The following DPH6 variants were observed in gnomAD, a reference collection of about 807,000 sequenced individuals.
DPH6 encodes diphthine--ammonia ligase.
Under a neutral mutation model 38.2 loss-of-function variants are expected in DPH6, and 33 were observed. That is an observed-to-expected ratio of 0.86 (90% CI 0.65 to 1.15). The LOEUF is 1.15. Ranked by LOEUF, DPH6 falls within the 50% of genes most tolerant of loss-of-function variation. The pLI, the probability that DPH6 is intolerant of heterozygous loss-of-function variation, is 0.00. For synonymous variants in DPH6, 108 were observed against 103.0 expected, an observed-to-expected ratio of 1.05 and a Z score of -0.30; for missense variants, 325 against 320.0, an observed-to-expected ratio of 1.02 and a Z score of -0.12.
intron 3 of DPH6, chr15:35,519,703 A>C (rs1394510288): frequency 6.6e-6 from 1 of 152,406 alleles, no homozygotes; most frequent in African/African-American, 2.4e-5. Flanking sequence ...ACATCTGTCT[A>C]ATGTTCACTA....
rs72703143 is a variant in DPH6, at chr15:35,359,576, C to T, written n.207+13945G>A. 1.7e-3 allele frequency among the ~76,000 whole-genome samples: 264 copies of T among 152,300 alleles called. 1 individual carries two copies. Among genetic ancestry groups the T allele is most frequent in the East Asian group, 5.0e-3 (26 of 5,164 alleles). On this transcript the variant is annotated intron_variant and non_coding_transcript_variant, in intron 3 of 3. Transcript: ENST00000558973. ...CTGCTTCCTCCACCCCTGTATTTTG[C>T]TTGGCTCTCCAAATTGACTCAGCTC...
At chr15:35,451,096 CT>C (rs1171631312) in intron 4 of DPH6, among the ~76,000 whole-genome samples, 2 of 151,922 alleles carry the variant, frequency 1.3e-5, no homozygotes, top group African/African-American at 4.8e-5. Context: ...TGCCAGTATA[CT>C]CTCATTTTTA....
At chr15:35,166,116 G>GA in the DPH6 span, among the ~76,000 whole-genome samples, 1 of 151,908 alleles carries the variant, frequency 6.6e-6, no homozygotes, top group African/African-American at 2.4e-5. Context: ...AGAAACGACA[G>GA]AAAGTTCTCC....
exon 4 of DPH6, chr15:35,218,046 C>T (rs952713342): frequency 2.6e-5 from 4 of 152,120 alleles, no homozygotes; most frequent in East Asian, 3.9e-4. Flanking sequence ...TTGGTACAGA[C>T]ACAACATTTT....
intron 3 of DPH6, among the ~76,000 whole-genome samples, chr15:35,268,153 G>C (rs1051681650): frequency 4.6e-5 from 7 of 151,138 alleles, no homozygotes; most frequent in African/African-American, 1.5e-4. Context: ...CTGGGCGACA[G>C]AGCGAGACTC....
the DPH6 span, among the ~76,000 whole-genome samples, chr15:35,162,514 C>T: frequency 6.6e-6 from 1 of 151,904 alleles, no homozygotes; most frequent in African/African-American, 2.4e-5. Context: ...ACTCTCAGAG[C>T]GTGGCAGGAC....
rs572391328 is a variant in DPH6 at position 35,333,115 on chromosome 15, T to G, written n.208-2038A>C. On this transcript the variant is annotated intron_variant and non_coding_transcript_variant, in intron 3 of 3. Coordinates refer to the DPH6 transcript ENST00000558973. ...AGCTAAAAAAAAAAAAAGCTGAAAT[T>G]GAATAAGTTAAGTGCAATTTAAATT... is the stretch of plus-strand genomic sequence containing the variant. Among the ~76,000 whole-genome samples, 87 of 150,728 alleles carry G rather than the reference T, an allele frequency of 5.8e-4. 1 individual carries two copies. The highest frequency in any genetic ancestry group is 1.1e-3 in the Non-Finnish European group (77 of 67,702).
chr15:35,392,602 G>A (rs1441482542), intron 6 of DPH6, among the ~76,000 whole-genome samples: 2 of 152,146 alleles, frequency 1.3e-5, no homozygotes, highest in Non-Finnish European at 2.9e-5. Flanking sequence ...AGGTACTAGG[G>A]ATAAAAATGG....
At chr15:35,475,558 A>G (rs987539963) in intron 3 of DPH6, among the ~76,000 whole-genome samples, 3 of 151,950 alleles carry the variant, frequency 2.0e-5, no homozygotes, top group Non-Finnish European at 4.4e-5. Flanking sequence ...AATGAATTAT[A>G]TATTTCTTTG....
intron 6 of DPH6, among the ~76,000 whole-genome samples, chr15:35,382,854 GAAAA>G: frequency 6.9e-6 from 1 of 145,736 alleles, no homozygotes; most frequent in South Asian, 2.2e-4. Flanking sequence ...TTAAAAAAAA[GAAAA>G]AAAAAACCAA....
At chr15:35,386,473 T>C (rs376552983) in intron 6 of DPH6, among the ~76,000 whole-genome samples, 38 of 152,322 alleles carry the variant, frequency 2.5e-4, no homozygotes, top group African/African-American at 8.4e-4. Context: ...AGTTTAAAAG[T>C]GTTCCTATTT....
At chr15:35,156,214 T>C in the DPH6 span, among the ~76,000 whole-genome samples, 2 of 152,178 alleles carry the variant, frequency 1.3e-5, no homozygotes, top group African/African-American at 4.8e-5. Flanking sequence ...TTTATATTTG[T>C]TTTTGGCATA....
chr15:35,221,751 CT>C (rs2051444755), intron 3 of DPH6, among the ~76,000 whole-genome samples: 1 of 152,186 alleles, frequency 6.6e-6, no homozygotes, highest in Non-Finnish European at 1.5e-5. Context: ...CCCAAGCAAG[CT>C]TTTTAATTCT....
At chr15:35,210,366 T>C in the DPH6 span, among the ~76,000 whole-genome samples, 3 of 152,184 alleles carry the variant, frequency 2.0e-5, no homozygotes, top group African/African-American at 7.2e-5. Flanking sequence ...AATCAAGAAA[T>C]GTAGCAATTT....
chr15:35,505,424 C>T (rs2054681681), intron 3 of DPH6, among the ~76,000 whole-genome samples: 1 of 151,928 alleles, frequency 6.6e-6, no homozygotes, highest in Admixed American at 6.6e-5. Context: ...GATGAAATAC[C>T]CCAGCAGTTT....
chr15:35,202,215 T>C, the DPH6 span, among the ~76,000 whole-genome samples: 1 of 151,768 alleles, frequency 6.6e-6, no homozygotes, highest in South Asian at 2.1e-4. Context: ...TACAATATAG[T>C]GGCTGTTTCC....
At chr15:35,465,016 G>C (rs1054573882) in intron 3 of DPH6, among the ~76,000 whole-genome samples, 2 of 152,168 alleles carry the variant, frequency 1.3e-5, no homozygotes, top group Non-Finnish European at 2.9e-5. Context: ...TAGAAATCTA[G>C]ACACAAATTA....
the DPH6 span, among the ~76,000 whole-genome samples, chr15:35,204,267 T>A: frequency 6.6e-6 from 1 of 151,752 alleles, no homozygotes; most frequent in African/African-American, 2.4e-5. Flanking sequence ...GAAAAAAAAT[T>A]TGTTTCAGAT....
chr15:35,450,897 G>A lies in DPH6; in HGVS notation c.387-94C>T, dbSNP rs2053924840. ...ACTTTGATTTGAAACATAATGCTTC[G>A]TTCAAGGATTTTAGCATTGAAAATG... On this transcript the variant is annotated intron_variant, in intron 4 of 8. Coordinates refer to ENST00000256538, the MANE Select transcript of DPH6 (RefSeq NM_080650.4). The A allele has an allele frequency of 2.6e-5, 26 of 991,210 alleles. 1 individual carries two copies. The South Asian group carries it at 4.0e-4, about 15-fold the overall frequency. 61.4% of individuals were successfully genotyped at this position (991,210 alleles called of 1,614,324 possible).
Sources: gnomAD v4.1 joint callset for allele counts (sites outside exome capture counted in the v4.1 genomes callset) on GRCh38, gnomAD v4.1.1 for gene constraint, MANE v1.5 for transcripts, NCBI Gene and HGNC (gene_info 2026-07-23, HGNC 2026-07-21) for gene names.